Variants in KIF26B observed in about 807,000 individuals in gnomAD.
KIF26B encodes the protein kinesin-like protein KIF26B.
In KIF26B, 63 loss-of-function variants were observed where a neutral mutation model predicts 151.2. The observed-to-expected ratio is 0.42, with a 90% CI of 0.34 to 0.51. The LOEUF (loss-of-function observed/expected upper bound fraction) is 0.51, where lower values mean the gene tolerates loss of function less well. Among genes scored for constraint, KIF26B ranks in the 20% least tolerant of loss-of-function variants. KIF26B has a pLI of 0.07. For synonymous variants in KIF26B, 1,357 were observed against 1,262.1 expected (o/e 1.08, Z -1.59); for missense variants, 2,813 against 2,913.6 (o/e 0.97, Z 0.79).
rs766200914 is a variant in KIF26B at position 245,419,596 on chromosome 1, A to G, written c.1017A>G (p.Thr339=). 6.2e-6 allele frequency: 10 copies of G among 1,610,998 alleles called. No individual in the cohort carries two copies. The highest frequency in any genetic ancestry group is 8.5e-6 in the Non-Finnish European group (10 of 1,178,390). The change falls in exon 4 of 15, where the codon ACA becomes ACG. Residue 339 remains threonine, a synonymous_variant. Coordinates refer to ENST00000407071, the MANE Select transcript of KIF26B (RefSeq NM_018012.4). Reference sequence around the variant, plus strand: ...TTTGTCAGATCTCCCAGCTGATGACAGAGAGTAGCCGGGAGGGACTAACAG... The same window carrying G: ...TTTGTCAGATCTCCCAGCTGATGACGGAGAGTAGCCGGGAGGGACTAACAG... ...LYPYQISQLM[T]ESSREGLTEA...
chr1:245,419,977 C>T (rs562072067), intron 4 of KIF26B, among the ~76,000 whole-genome samples: 16 of 152,250 alleles, frequency 1.1e-4, no homozygotes, highest in South Asian at 6.2e-4. Flanking sequence ...CTGTACCCCT[C>T]GATGTGTGCC....
intron 2 of KIF26B, among the ~76,000 whole-genome samples, chr1:245,254,246 G>T (rs1404419533): frequency 6.6e-6 from 1 of 152,106 alleles, no homozygotes; most frequent in Non-Finnish European, 1.5e-5. Flanking sequence ...ATTTTATTAG[G>T]TTGCATATGT....
intron 2 of KIF26B, among the ~76,000 whole-genome samples, chr1:245,364,016 A>G (rs1225084601): frequency 1.3e-5 from 2 of 152,158 alleles, no homozygotes; most frequent in Non-Finnish European, 2.9e-5. Flanking sequence ...GTGAGTCACT[A>G]CAGACTGGGC....
chr1:245,436,815 C>T (rs1211350134), intron 4 of KIF26B, among the ~76,000 whole-genome samples: 1 of 151,608 alleles, frequency 6.6e-6, no homozygotes, highest in African/African-American at 2.4e-5. Context: ...GTATTTAGTG[C>T]AATTTATCAA....
At chr1:245,212,655 C>T (rs1288981719) in intron 2 of KIF26B, among the ~76,000 whole-genome samples, 1 of 143,750 alleles carries the variant, frequency 7.0e-6, no homozygotes, top group Non-Finnish European at 1.6e-5. Flanking sequence ...CAGCGAGTTT[C>T]CCCTTGGTTT....
intron 4 of KIF26B, among the ~76,000 whole-genome samples, chr1:245,471,939 C>A (rs1205185500): frequency 2.0e-5 from 3 of 152,006 alleles, no homozygotes; most frequent in African/African-American, 7.3e-5. Context: ...TTACAGGCGC[C>A]CGCCACCACA....
intron 7 of KIF26B, among the ~76,000 whole-genome samples, chr1:245,608,071 TA>T (rs1229525202): frequency 5.3e-5 from 8 of 152,230 alleles, no homozygotes; most frequent in African/African-American, 1.9e-4. Flanking sequence ...GGGAAGCAGA[TA>T]GGGCCCCTTG....
chr1:245,207,541 G>A (rs893299602), intron 2 of KIF26B, among the ~76,000 whole-genome samples: 1 of 152,162 alleles, frequency 6.6e-6, no homozygotes, highest in African/African-American at 2.4e-5. Flanking sequence ...AAACAGCAAT[G>A]GCATCTAATA....
rs369069776 is a variant in KIF26B, at chr1:245,611,807, C to T, written c.1929C>T (p.Ser643=). The change falls in exon 9 of 15, where the codon AGC becomes AGT. Residue 643 remains serine, a synonymous_variant. Coordinates refer to ENST00000407071, the MANE Select transcript of KIF26B (RefSeq NM_018012.4). ...PICGTQLQNQ[S]ELRAPTAEKA... ...CTGTCTTCCAGCTGCAGAACCAGAG[C>T]GAGCTGCGGGCCCCCACCGCAGAGA... The T allele has an allele frequency of 2.4e-5, 38 of 1,613,474 alleles. No individual in the cohort carries two copies. Among genetic ancestry groups the T allele is most frequent in the Middle Eastern group, 3.3e-4 (2 of 6,058 alleles).
chr1:245,496,581 A>G (rs1157398848), intron 4 of KIF26B, among the ~76,000 whole-genome samples: 3 of 152,074 alleles, frequency 2.0e-5, no homozygotes, highest in Non-Finnish European at 4.4e-5. Context: ...GGGAAAATAG[A>G]ATGAAAAATA....
intron 3 of KIF26B, among the ~76,000 whole-genome samples, chr1:245,374,624 T>C (rs1270802586): frequency 6.6e-6 from 1 of 152,090 alleles, no homozygotes; most frequent in African/African-American, 2.4e-5. Flanking sequence ...AGTCAGGCAA[T>C]AGTGTAAGAT....
In KIF26B at chr1:245,684,209, A is replaced by G. The variant is rs750207889; in HGVS notation, c.2259-24A>G. 6 of 1,602,104 alleles carry G rather than the reference A, an allele frequency of 3.7e-6. No individual in the cohort carries two copies. In the South Asian group the frequency reaches 6.6e-5, roughly 18 times the overall value. ...CACAGGGAAGCATGGCCGCTAATGC[A>G]GCCTAATTCACTTTGTTTGGCAGAG... On this transcript the variant is annotated intron_variant, in intron 10 of 14. Coordinates refer to ENST00000407071, the MANE Select transcript of KIF26B (RefSeq NM_018012.4).
intron 3 of KIF26B, among the ~76,000 whole-genome samples, chr1:245,404,648 A>G (rs1220409267): frequency 6.6e-6 from 1 of 152,180 alleles, no homozygotes; most frequent in Non-Finnish European, 1.5e-5. Flanking sequence ...GAGCAGAACC[A>G]CCAACTGGAG....
Position 245,244,193 on chromosome 1 carries a change from G to A in KIF26B, c.465+87510G>A, listed in dbSNP as rs1467338208. On this transcript the variant is annotated intron_variant, in intron 2 of 14. Transcript: ENST00000407071. The surrounding 1 kb of genome is among the most constrained non-coding windows in gnomAD (Gnocchi z 4.2). ...GCTGATCTCGAACTCCTGGCCTCAA[G>A]CAATCTTTCCACCTTAGCCTCCCAA... 3.3e-5 allele frequency among the ~76,000 whole-genome samples: 5 copies of A among 152,114 alleles called. No homozygotes were observed. Among genetic ancestry groups the A allele is most frequent in the Admixed American group, 1.3e-4 (2 of 15,264 alleles).
intron 2 of KIF26B, among the ~76,000 whole-genome samples, chr1:245,208,081 C>T (rs757820095): frequency 2.6e-5 from 4 of 152,154 alleles, no homozygotes; most frequent in East Asian, 1.9e-4. Flanking sequence ...CTCTGTTAAT[C>T]GAGGGCTCCT....
At chr1:245,676,115 T>C (rs2044354292) in intron 10 of KIF26B, 1 of 152,224 alleles carries the variant, frequency 6.6e-6, no homozygotes, top group South Asian at 2.1e-4. Flanking sequence ...AAAAGAGTTT[T>C]CAATCTTGAC....
chr1:245,521,915 GA>G (rs1661121524), intron 4 of KIF26B, among the ~76,000 whole-genome samples: 1 of 106,896 alleles, frequency 9.4e-6, no homozygotes, highest in Non-Finnish European at 2.4e-5. Context: ...ACCCAGGCTG[GA>G]TGGAGTGCAG....
chr1:245,367,240 G>A lies in KIF26B; in HGVS notation c.872G>A (p.Ser291Asn), dbSNP rs555266719. The change falls in exon 3 of 15, where the codon AGC (serine) becomes AAC (asparagine). Residue 291 changes from serine to asparagine, a missense_variant. By Grantham distance (46) the Ser-to-Asn change is conservative. Coordinates refer to ENST00000407071, the MANE Select transcript of KIF26B (RefSeq NM_018012.4). The surrounding 1 kb of genome is among the most constrained non-coding windows in gnomAD (Gnocchi z 4.2). Reference sequence around the variant, plus strand: ...TCCCCAACCCACCAGGCCAAGGTCAGCCTCCAGATGGCCACCAGTCCAAGC... The same window carrying A: ...TCCCCAACCCACCAGGCCAAGGTCAACCTCCAGATGGCCACCAGTCCAAGC... ...SGSPTHQAKV[S>N]LQMATSPSNG... The A allele has an allele frequency of 1.2e-6, 2 of 1,608,424 alleles. No homozygotes were observed. The highest frequency in any genetic ancestry group is 1.7e-5 in the Admixed American group (1 of 59,212).
intron 4 of KIF26B, among the ~76,000 whole-genome samples, chr1:245,434,916 G>A (rs565377499): frequency 3.3e-4 from 50 of 152,086 alleles, no homozygotes; most frequent in African/African-American, 1.2e-3. Context: ...CCTCATCCTT[G>A]TACAAGGATA....
Sources: gnomAD v4.1 joint callset for allele counts (sites outside exome capture counted in the v4.1 genomes callset) on GRCh38, gnomAD v4.1.1 for gene constraint, Gnocchi (gnomAD v3.1) non-coding constraint, MANE v1.5 for transcripts, NCBI Gene and HGNC (gene_info 2026-07-23, HGNC 2026-07-21) for gene names.